Variants in KIAA1549L observed in about 807,000 individuals in gnomAD.
The protein encoded by KIAA1549L is KIAA1549 like, also known as UPF0606 protein KIAA1549L.
In KIAA1549L, 88 loss-of-function variants were observed where a neutral mutation model predicts 160.7. The ratio of observed to expected loss-of-function variants is 0.55; its 90% CI spans 0.46 to 0.65. The LOEUF is 0.65. Ranked by LOEUF, KIAA1549L falls within the 30% of genes least tolerant of loss-of-function variation. The pLI, the probability that KIAA1549L is intolerant of heterozygous loss-of-function variation, is 0.00. For missense variants in KIAA1549L, 2,258 were observed against 2,437.5 expected (o/e 0.93, Z 1.55); for synonymous variants, 950 against 976.7 (o/e 0.97, Z 0.51).
chr11:33,596,270 G>A (rs544889739), intron 12 of KIAA1549L, among the ~76,000 whole-genome samples: 16 of 152,244 alleles, frequency 1.1e-4, no homozygotes, highest in South Asian at 6.2e-4. Flanking sequence ...ATTTTTGAAC[G>A]GAAGTTTTGA....
intron 1 of KIAA1549L, among the ~76,000 whole-genome samples, chr11:33,428,585 G>A (rs1382619033): frequency 6.6e-6 from 1 of 152,208 alleles, no homozygotes; most frequent in African/African-American, 2.4e-5. Context: ...TTTGCTCAGA[G>A]TGATGTTTTC....
At chr11:33,546,847 T>TA (rs1854282374) in intron 3 of KIAA1549L, among the ~76,000 whole-genome samples, 1 of 152,198 alleles carries the variant, frequency 6.6e-6, no homozygotes, top group African/African-American at 2.4e-5. Context: ...GCTTAATTTA[T>TA]AAGTTAGGTG....
At chr11:33,658,637 A>G in intron 18 of KIAA1549L, 113 bp from the exon 19 acceptor site, 1 of 1,067,362 alleles carries the variant, frequency 9.4e-7, no homozygotes, top group Non-Finnish European at 1.4e-6. Context: ...TGGGGACCTC[A>G]TGAGGCTTGG....
intron 16 of KIAA1549L, among the ~76,000 whole-genome samples, chr11:33,637,297 A>T (rs961314302): frequency 1.3e-5 from 2 of 152,200 alleles, no homozygotes; most frequent in Non-Finnish European, 2.9e-5. Flanking sequence ...GGCCCCTGTC[A>T]TCTCTTCTGG....
At chr11:33,433,170 A>C (rs1851286178) in intron 1 of KIAA1549L, among the ~76,000 whole-genome samples, 2 of 152,232 alleles carry the variant, frequency 1.3e-5, no homozygotes, top group Non-Finnish European at 2.9e-5. Flanking sequence ...GAATAGGATA[A>C]AATTTTTGCA....
intron 1 of KIAA1549L, among the ~76,000 whole-genome samples, chr11:33,428,971 G>A (rs565271963): frequency 3.3e-5 from 5 of 151,916 alleles, no homozygotes; most frequent in East Asian, 1.9e-4. Context: ...GTGGTATCTC[G>A]TTTTGTTTTT....
intron 1 of KIAA1549L, among the ~76,000 whole-genome samples, chr11:33,435,792 ATATATAT>A (rs1170266067): frequency 1.5e-4 from 2 of 13,050 alleles, no homozygotes; most frequent in South Asian, 2.0e-3. Flanking sequence ...ATATATATAT[ATATATAT>A]ATATATATAT....
rs1313320327 is a variant in KIAA1549L, at chr11:33,543,113, C to T, written c.1550C>T (p.Pro517Leu). 6.2e-7 allele frequency: 1 copy of T among 1,613,940 alleles called. No homozygotes were observed. Among genetic ancestry groups the T allele is most frequent in the Non-Finnish European group, 8.5e-7 (1 of 1,179,898 alleles). ...FLQPTENHAS[P>L]SPVPEMPTLP... ...CAGCCCACAGAGAATCATGCCTCCC[C>T]ATCTCCTGTGCCAGAAATGCCCACT... The change falls in exon 2 of 21, where the codon CCA becomes CTA. Residue 517 changes from proline to leucine, a missense_variant. Around this residue, in one of 6 missense-constraint regions of KIAA1549L, gnomAD observed 540 missense variants for 465.7 expected, o/e 1.16. Transcript: ENST00000658780.
intron 10 of KIAA1549L, among the ~76,000 whole-genome samples, chr11:33,576,662 G>A (rs1223953957): frequency 6.6e-6 from 1 of 152,158 alleles, no homozygotes; most frequent in Non-Finnish European, 1.5e-5. Context: ...GATATTTCAG[G>A]GCACAGAGTC....
chr11:33,548,882 A>G (rs1854357389), intron 4 of KIAA1549L, among the ~76,000 whole-genome samples: 1 of 152,130 alleles, frequency 6.6e-6, no homozygotes. Flanking sequence ...TCCCATCAAC[A>G]CCAAGGACTA....
chr11:33,470,880 C>A (rs532064718), intron 1 of KIAA1549L, among the ~76,000 whole-genome samples: 1 of 152,258 alleles, frequency 6.6e-6, no homozygotes, highest in Non-Finnish European at 1.5e-5. Flanking sequence ...TGCTAGTGTG[C>A]CACTTCCACT....
intron 10 of KIAA1549L, 69 bp downstream of exon 10, chr11:33,574,942 C>A: frequency 1.5e-6 from 2 of 1,354,500 alleles, no homozygotes; most frequent in Non-Finnish European, 2.1e-6. Flanking sequence ...CAAAATGATT[C>A]CCCAAAATCA....
At chr11:33,432,783 A>G (rs1054352114) in intron 1 of KIAA1549L, among the ~76,000 whole-genome samples, 1 of 152,348 alleles carries the variant, frequency 6.6e-6, no homozygotes, top group Non-Finnish European at 1.5e-5. Flanking sequence ...AACACCACAC[A>G]TCTACAACCA....
At position 33,668,155 on chromosome 11, in the gene KIAA1549L, C is replaced by A. The variant is rs750316146; in HGVS notation, c.*1C>A. ...AGACATGTTTGAGTTCCAGGTCTAA[C>A]GCCTTAGCCCCGTGGGACTCTGGAC... On this transcript the variant is annotated 3_prime_UTR_variant, in exon 21 of 21. Coordinates refer to ENST00000658780, the MANE Select transcript of KIAA1549L (RefSeq NM_012194.3). The A allele has an allele frequency of 1.2e-4, 192 of 1,611,182 alleles. 1 individual carries two copies. In the East Asian group the frequency reaches 4.2e-3, roughly 35 times the overall value.
At chr11:33,658,930 C>A in intron 19 of KIAA1549L, 32 bp downstream of exon 19, 3 of 1,521,604 alleles carry the variant, frequency 2.0e-6, no homozygotes, top group South Asian at 2.6e-5. Context: ...GTGTGCCCCC[C>A]ACCACTGCTG....
chr11:33,665,739 G>A (rs947359879), intron 20 of KIAA1549L, among the ~76,000 whole-genome samples: 3 of 152,086 alleles, frequency 2.0e-5, no homozygotes, highest in Non-Finnish European at 4.4e-5. Context: ...GAGTCTGTCT[G>A]TCCGCCCCAC....
chr11:33,531,617 T>G (rs1400278962), intron 1 of KIAA1549L, among the ~76,000 whole-genome samples: 1 of 152,210 alleles, frequency 6.6e-6, no homozygotes, highest in Non-Finnish European at 1.5e-5. Flanking sequence ...CTTCTATCAG[T>G]GCAGTCAACA....
intron 19 of KIAA1549L, 50 bp from the exon 20 acceptor site, chr11:33,660,813 C>T: frequency 5.7e-6 from 9 of 1,573,272 alleles, no homozygotes; most frequent in Non-Finnish European, 6.9e-6. Flanking sequence ...GTGGCTGGAT[C>T]CCTCAGACCA....
chr11:33,530,588 A>AGAT (rs1216086983), intron 1 of KIAA1549L, among the ~76,000 whole-genome samples: 2 of 151,222 alleles, frequency 1.3e-5, no homozygotes, highest in African/African-American at 4.9e-5. Context: ...CCTGTCAGAA[A>AGAT]GATGCCGGGA....
Sources: gnomAD v4.1 joint callset for allele counts (sites outside exome capture counted in the v4.1 genomes callset) on GRCh38, gnomAD v4.1.1 for gene constraint, gnomAD v4.1.1 regional missense constraint, MANE v1.5 for transcripts, NCBI Gene and HGNC (gene_info 2026-07-23, HGNC 2026-07-21) for gene names.